The following KHDRBS2 variants were observed in gnomAD, a reference collection of about 807,000 sequenced individuals.
The protein encoded by KHDRBS2 is KH domain-containing, RNA-binding, signal transduction-associated protein 2.
A neutral mutation model predicts 44.3 loss-of-function variants in KHDRBS2; 26 were observed. The ratio of observed to expected loss-of-function variants is 0.59; its 90% CI spans 0.43 to 0.81. The LOEUF (loss-of-function observed/expected upper bound fraction) is 0.81, where lower values mean the gene tolerates loss of function less well. Ranked by LOEUF, KHDRBS2 falls within the 40% of genes least tolerant of loss-of-function variation. The pLI is 0.00. For synonymous variants in KHDRBS2, 194 were observed against 151.1 expected (o/e 1.28, Z -2.08); for missense variants, 476 against 433.1 (o/e 1.10, Z -0.88).
chr6:61,578,977 C>T, the KHDRBS2 span, among the ~76,000 whole-genome samples: 1 of 152,128 alleles, frequency 6.6e-6, no homozygotes. Flanking sequence ...TATCCCTATT[C>T]AAACAAACAC....
At chr6:61,818,657 C>T (rs1789378111) in intron 6 of KHDRBS2, among the ~76,000 whole-genome samples, 1 of 151,922 alleles carries the variant, frequency 6.6e-6, no homozygotes, top group South Asian at 2.1e-4. Flanking sequence ...AAAATGTGTG[C>T]CTCTTTTTGT....
chr6:62,064,252 A>C (rs1284407678), intron 2 of KHDRBS2, among the ~76,000 whole-genome samples: 2 of 147,212 alleles, frequency 1.4e-5, no homozygotes, highest in African/African-American at 5.0e-5. Context: ...GCTACCAATG[A>C]CTTTCTTCAC....
intron 3 of KHDRBS2, among the ~76,000 whole-genome samples, chr6:61,991,865 G>A (rs1390870714): frequency 6.6e-6 from 1 of 152,186 alleles, no homozygotes; most frequent in South Asian, 2.1e-4. Flanking sequence ...AGAAGGTCTT[G>A]CAGAATTGTA....
At chr6:61,725,026 T>C (rs1293282598) in intron 7 of KHDRBS2, among the ~76,000 whole-genome samples, 1 of 152,154 alleles carries the variant, frequency 6.6e-6, no homozygotes, top group African/African-American at 2.4e-5. Context: ...CATCATGACA[T>C]GGCACTTATT....
chr6:62,165,240 CATTTATTTATTTATTT>C (rs202136759), intron 2 of KHDRBS2, among the ~76,000 whole-genome samples: 7 of 149,572 alleles, frequency 4.7e-5, no homozygotes, highest in South Asian at 2.1e-4. Flanking sequence ...CATTCTAGTA[CATTTATTTATTTATTT>C]ATTTATTTAT....
At chr6:62,132,566 T>C (rs920531590) in intron 2 of KHDRBS2, among the ~76,000 whole-genome samples, 10 of 152,152 alleles carry the variant, frequency 6.6e-5, no homozygotes, top group African/African-American at 2.4e-4. Flanking sequence ...GCAGCTACCA[T>C]GGTTGAAGCC....
chr6:62,143,933 A>T (rs1256947960), intron 2 of KHDRBS2, among the ~76,000 whole-genome samples: 3 of 151,950 alleles, frequency 2.0e-5, no homozygotes, highest in Non-Finnish European at 4.4e-5. Flanking sequence ...CTTAACACTT[A>T]ATTCAGATAT....
intron 6 of KHDRBS2, among the ~76,000 whole-genome samples, chr6:61,832,248 A>C (rs1455163035): frequency 6.6e-6 from 1 of 152,200 alleles, no homozygotes; most frequent in Non-Finnish European, 1.5e-5. Flanking sequence ...GAAACAACAA[A>C]AAAAGGAAAG....
At chr6:61,910,928 C>A (rs547940072) in intron 4 of KHDRBS2, among the ~76,000 whole-genome samples, 1 of 152,138 alleles carries the variant, frequency 6.6e-6, no homozygotes, top group Non-Finnish European at 1.5e-5. Flanking sequence ...AGCTTTATTT[C>A]ATTTAAAGTC....
the KHDRBS2 span, chr6:61,574,492 C>A: frequency 1.8e-6 from 2 of 1,134,296 alleles, no homozygotes; most frequent in Non-Finnish European, 2.4e-6. Flanking sequence ...ACCAAACCTG[C>A]ATTAAAAATT....
intron 6 of KHDRBS2, among the ~76,000 whole-genome samples, chr6:61,871,806 G>A (rs1323339545): frequency 6.6e-6 from 1 of 152,154 alleles, no homozygotes; most frequent in African/African-American, 2.4e-5. Flanking sequence ...AGCAAATGAG[G>A]AGAGATTTTG....
intron 3 of KHDRBS2, among the ~76,000 whole-genome samples, chr6:61,999,682 G>A (rs1333973579): frequency 6.6e-6 from 1 of 152,030 alleles, no homozygotes; most frequent in African/African-American, 2.4e-5. Flanking sequence ...AAAATTATTA[G>A]ACCAGGTGAG....
rs1015608853 is a variant in KHDRBS2 at position 61,899,736 on chromosome 6, C to CA, written c.611+1507_611+1508insT. Among the ~76,000 whole-genome samples, 2 of 133,572 alleles carry CA rather than the reference C, an allele frequency of 1.5e-5. 1 individual carries two copies. Among genetic ancestry groups the CA allele is most frequent in the Non-Finnish European group, 3.2e-5 (2 of 61,750 alleles). The allele number at this position is 133,572 out of a possible 152,430, so 87.6% of individuals were successfully genotyped here. A position where few individuals can be genotyped will look rare whatever the true frequency, so the allele number is the denominator to read the frequency against. On this transcript the variant is annotated intron_variant, in intron 5 of 8. Transcript: ENST00000281156. Reference sequence around the variant, plus strand: ...CAGATAAATTCATTGTTTTAATGCCCCCCCCCCGCATTTTAAGGCATACAA... The same window carrying CA: ...CAGATAAATTCATTGTTTTAATGCCCACCCCCCCGCATTTTAAGGCATACAA...
intron 6 of KHDRBS2, among the ~76,000 whole-genome samples, chr6:61,806,630 G>T (rs1226643280): frequency 3.4e-5 from 3 of 89,348 alleles, no homozygotes; most frequent in African/African-American, 1.3e-4. Context: ...TTGGTATACG[G>T]GTCTGATTTC....
intron 2 of KHDRBS2, among the ~76,000 whole-genome samples, chr6:62,067,323 T>A (rs1380728433): frequency 6.6e-6 from 1 of 151,488 alleles, no homozygotes; most frequent in Non-Finnish European, 1.5e-5. Flanking sequence ...TTAAAGGAAG[T>A]TTTTTACACC....
chr6:61,945,113 GTATATATATATA>G lies in KHDRBS2; in HGVS notation c.483+32941_483+32952del, dbSNP rs61105265. On this transcript the variant is annotated intron_variant, in intron 4 of 8. Transcript: ENST00000281156. ...CTTAAAAAAAAAAAAAAAAAAAAAA[GTATATATATATA>G]TATATATATATATATATATATATAT... Among the ~76,000 whole-genome samples the G allele has an allele frequency of 1.3e-3, 19 of 14,994 alleles. 2 individuals are homozygous for G. Among genetic ancestry groups the G allele is most frequent in the East Asian group, 5.6e-3 (2 of 360 alleles). 9.8% of individuals were successfully genotyped at this position (14,994 alleles called of 152,430 possible).
chr6:62,123,469 G>C (rs374668292), intron 2 of KHDRBS2, among the ~76,000 whole-genome samples: 1 of 152,166 alleles, frequency 6.6e-6, no homozygotes, highest in Non-Finnish European at 1.5e-5. Flanking sequence ...TTGAGGAATC[G>C]CCACACTGTC....
At chr6:62,138,594 T>G (rs1812081588) in intron 2 of KHDRBS2, among the ~76,000 whole-genome samples, 1 of 152,066 alleles carries the variant, frequency 6.6e-6, no homozygotes, top group Non-Finnish European at 1.5e-5. Context: ...AATCCTAAAA[T>G]AGCAGTCTGT....
intron 2 of KHDRBS2, among the ~76,000 whole-genome samples, chr6:62,139,530 G>T (rs1209863128): frequency 6.7e-6 from 1 of 148,982 alleles, no homozygotes; most frequent in Non-Finnish European, 1.5e-5. Flanking sequence ...TCCAGCCTGG[G>T]TGACAGAGTA....
Sources: gnomAD v4.1 joint callset for allele counts (sites outside exome capture counted in the v4.1 genomes callset) on GRCh38, gnomAD v4.1.1 for gene constraint, MANE v1.5 for transcripts, NCBI Gene and HGNC (gene_info 2026-07-23, HGNC 2026-07-21) for gene names.